ESRRG: variants seen among roughly 807,000 people sequenced by gnomAD.
ESRRG encodes estrogen-related receptor gamma.
In ESRRG, 13 loss-of-function variants were observed where a neutral mutation model predicts 44.0. That is an observed-to-expected ratio of 0.30 (90% CI 0.19 to 0.47). The LOEUF is 0.47. Among genes scored for constraint, ESRRG ranks in the 20% least tolerant of loss-of-function variants. ESRRG has a pLI of 1.00. For synonymous variants in ESRRG, 215 were observed against 214.6 expected, an observed-to-expected ratio of 1.00 and a Z score of -0.02; for missense variants, 395 against 580.6, an observed-to-expected ratio of 0.68 and a Z score of 3.29.
intron 2 of ESRRG, among the ~76,000 whole-genome samples, chr1:216,823,910 G>A (rs889846941): frequency 2.0e-5 from 3 of 152,126 alleles, no homozygotes; most frequent in Admixed American, 2.0e-4. Context: ...TCATTGCAAT[G>A]AAAGGGAAGT....
At chr1:216,575,386 A>C (rs1396950476) in intron 3 of ESRRG, among the ~76,000 whole-genome samples, 2 of 152,006 alleles carry the variant, frequency 1.3e-5, no homozygotes, top group Admixed American at 1.3e-4. Flanking sequence ...ACAGTCTTTA[A>C]CTCATCATAC....
At chr1:217,109,024 G>A (rs76723222) in intron 1 of ESRRG, among the ~76,000 whole-genome samples, 3,020 of 152,056 alleles carry the variant, frequency 0.02, 107 homozygotes, top group African/African-American at 0.068. Flanking sequence ...AGATCGCATG[G>A]GCACATGTGT....
chr1:216,870,495 G>A (rs1357503037), intron 2 of ESRRG, among the ~76,000 whole-genome samples: 1 of 151,788 alleles, frequency 6.6e-6, no homozygotes, highest in Non-Finnish European at 1.5e-5. Flanking sequence ...CTCTTTGGAG[G>A]CCAGGATTAC....
At chr1:217,081,218 A>ATTGTT (rs1454943896) in intron 1 of ESRRG, among the ~76,000 whole-genome samples, 1 of 32,748 alleles carries the variant, frequency 3.1e-5, no homozygotes. Flanking sequence ...AGATAAAAAT[A>ATTGTT]TTCTTTTTTT....
At chr1:216,800,094 G>C (rs2094574016) in intron 2 of ESRRG, among the ~76,000 whole-genome samples, 1 of 152,150 alleles carries the variant, frequency 6.6e-6, no homozygotes, top group African/African-American at 2.4e-5. Context: ...TAAAAATTCG[G>C]TTGTAAATAA....
chr1:216,913,072 C>T (rs767942843), intron 2 of ESRRG, among the ~76,000 whole-genome samples: 15 of 140,060 alleles, frequency 1.1e-4, no homozygotes, highest in Middle Eastern at 4.2e-3. Flanking sequence ...TGCAGTGAAC[C>T]GAGATCGCAC....
chr1:216,993,498 G>T (rs1250365120), intron 1 of ESRRG, among the ~76,000 whole-genome samples: 1 of 152,156 alleles, frequency 6.6e-6, no homozygotes, highest in South Asian at 2.1e-4. Context: ...AGCAGAGACA[G>T]TTGGATTTAA....
chr1:216,976,919 A>G (rs932547470), intron 1 of ESRRG, among the ~76,000 whole-genome samples: 6 of 152,006 alleles, frequency 3.9e-5, no homozygotes, highest in African/African-American at 1.4e-4. Context: ...AGCTTCCCCT[A>G]CTCTTTTTAT....
intron 3 of ESRRG, among the ~76,000 whole-genome samples, chr1:216,616,919 G>A (rs967014468): frequency 2.0e-5 from 3 of 152,156 alleles, no homozygotes; most frequent in African/African-American, 7.2e-5. Flanking sequence ...TGCATAGACA[G>A]CTAATCCCCC....
At chr1:216,708,297 A>G (rs2082843449) in intron 1 of ESRRG, among the ~76,000 whole-genome samples, 1 of 152,166 alleles carries the variant, frequency 6.6e-6, no homozygotes, top group Non-Finnish European at 1.5e-5. Flanking sequence ...AAAAGATAAT[A>G]AAAGTAATAT....
intron 1 of ESRRG, among the ~76,000 whole-genome samples, chr1:216,940,128 G>C (rs1353578907): frequency 6.6e-6 from 1 of 152,110 alleles, no homozygotes; most frequent in Non-Finnish European, 1.5e-5. Context: ...AAGGCTTTGT[G>C]TCCTATTTCT....
intron 2 of ESRRG, among the ~76,000 whole-genome samples, chr1:216,799,655 C>T (rs1449718760): frequency 6.6e-6 from 1 of 152,022 alleles, no homozygotes; most frequent in African/African-American, 2.4e-5. Flanking sequence ...ACAGAAAGAG[C>T]CAAGAACACT....
At chr1:216,543,893 A>C (rs1385875025) in intron 5 of ESRRG, among the ~76,000 whole-genome samples, 2 of 152,086 alleles carry the variant, frequency 1.3e-5, no homozygotes, top group African/African-American at 4.8e-5. Context: ...ATGCAAAAAA[A>C]CTTAGAGATT....
intron 2 of ESRRG, among the ~76,000 whole-genome samples, chr1:216,877,736 T>C (rs151152335): frequency 1.5e-3 from 221 of 152,264 alleles, no homozygotes; most frequent in Middle Eastern, 0.01. Context: ...TGTATGTTTT[T>C]AATATATGTA....
chr1:217,018,145 GT>G (rs1426783376), intron 1 of ESRRG, among the ~76,000 whole-genome samples: 1 of 152,124 alleles, frequency 6.6e-6, no homozygotes, highest in African/African-American at 2.4e-5. Context: ...GTTATTAAAT[GT>G]CTTCCTAGCT....
chr1:216,841,188 A>AC (rs2095647478), intron 2 of ESRRG, among the ~76,000 whole-genome samples: 2 of 150,660 alleles, frequency 1.3e-5, no homozygotes, highest in Non-Finnish European at 3.0e-5. Context: ...TTAAAATAGA[A>AC]TTTTTTTTTT....
At chr1:217,112,749 T>A (rs906756525) in intron 1 of ESRRG, among the ~76,000 whole-genome samples, 5 of 152,184 alleles carry the variant, frequency 3.3e-5, no homozygotes, top group Admixed American at 6.5e-5. Flanking sequence ...AAATGGTTAA[T>A]TACTTCAGGA....
intron 2 of ESRRG, among the ~76,000 whole-genome samples, chr1:216,795,975 C>T (rs904576001): frequency 2.6e-5 from 4 of 152,094 alleles, no homozygotes; most frequent in Non-Finnish European, 5.9e-5. Context: ...CCCAAAATCT[C>T]GGGCATCATG....
At chr1:216,962,564 T>C (rs1014129702) in intron 1 of ESRRG, among the ~76,000 whole-genome samples, 38 of 152,180 alleles carry the variant, frequency 2.5e-4, no homozygotes, top group Non-Finnish European at 4.9e-4. Flanking sequence ...GAATCTTTTT[T>C]TTCTTTTTTC....
Sources: gnomAD v4.1 joint callset for allele counts (sites outside exome capture counted in the v4.1 genomes callset) on GRCh38, gnomAD v4.1.1 for gene constraint, MANE v1.5 for transcripts, NCBI Gene and HGNC (gene_info 2026-07-23, HGNC 2026-07-21) for gene names.